The following GNL3L variants were observed in gnomAD, a reference collection of about 807,000 sequenced individuals.
GNL3L encodes guanine nucleotide-binding protein-like 3-like protein.
Under a neutral mutation model 42.9 loss-of-function variants are expected in GNL3L, and 4 were observed. The observed-to-expected ratio is 0.09, with a 90% CI of 0.05 to 0.21. The LOEUF (loss-of-function observed/expected upper bound fraction) is 0.21. Among genes scored for constraint, GNL3L ranks in the 10% least tolerant of loss-of-function variants. The pLI, the probability that GNL3L is intolerant of heterozygous loss-of-function variation, is 1.00. For missense variants in GNL3L, 412 were observed against 481.7 expected (o/e 0.86, Z 1.36); for synonymous variants, 159 against 176.3 (o/e 0.90, Z 0.78).
At chrX:54,635,075 A>G in the GNL3L span, among the ~76,000 whole-genome samples, 1 of 110,955 alleles carries the variant, frequency 9.0e-6, no homozygotes, top group East Asian at 2.8e-4. Flanking sequence ...TACAAGCATG[A>G]GCCACTGTGC....
At chrX:54,600,613 G>T (rs190887851) in intron 16 of GNL3L, among the ~76,000 whole-genome samples, 3 of 110,641 alleles carry the variant, frequency 2.7e-5, no homozygotes, top group Non-Finnish European at 3.8e-5. Context: ...GATGTAAGAA[G>T]AAGTCTAGGT....
At chrX:54,573,481 TGAGAGGGAGACCATGGG>T (rs1251836394) in intron 16 of GNL3L, among the ~76,000 whole-genome samples, 7,190 of 110,262 alleles carry the variant, frequency 0.065, 595 homozygotes, top group African/African-American at 0.23. Flanking sequence ...CGGCTGGGCA[TGAGAGGGAGACCATGGG>T]GAGAGGGAGA....
At position 54,551,602 on chromosome X, in the gene GNL3L, C is replaced by T. The variant is rs776095219; in HGVS notation, c.898C>T (p.Arg300Trp). ...GGAGGTCTACCTGGACAAGTTCATC[C>T]GGCTCTTGGATGCTCCAGGCATTGT... The part of the protein sequence containing the change: ...MQEVYLDKFI[R>W]LLDAPGIVPG... The change falls in exon 11 of 16, where the codon CGG (arginine) becomes TGG (tryptophan). Residue 300 changes from arginine (R) to tryptophan (W), a missense_variant. Physicochemically the swap from Arg to Trp is moderately radical, Grantham distance 101. Coordinates refer to ENST00000360845, the MANE Select transcript of GNL3L (RefSeq NM_001184819.2). 2.8e-5 allele frequency: 34 copies of T among 1,208,931 alleles called. No homozygotes were observed. The highest frequency in any genetic ancestry group is 4.4e-5 in the Admixed American group (2 of 45,715).
chrX:54,608,409 G>A (rs756553000), intron 16 of GNL3L, among the ~76,000 whole-genome samples: 8 of 111,001 alleles, frequency 7.2e-5, no homozygotes, highest in Non-Finnish European at 1.3e-4. Context: ...GGTTACATGA[G>A]TAAGTTCTTT....
downstream of GNL3L, among the ~76,000 whole-genome samples, chrX:54,624,430 TTC>T (rs1491170685): frequency 9.7e-6 from 1 of 103,540 alleles, no homozygotes; most frequent in Non-Finnish European, 2.0e-5. Context: ...TCTTTTTTTT[TTC>T]TTTTTCTTTT....
intron 4 of GNL3L, 59 bp from the exon 5 acceptor site, chrX:54,541,214 T>A: frequency 1.3e-6 from 1 of 786,496 alleles, no homozygotes; most frequent in Admixed American, 2.3e-5. Flanking sequence ...CTGTCACCCA[T>A]CCCTCCCTTA....
chrX:54,628,967 TATA>T, the GNL3L span, among the ~76,000 whole-genome samples: 2 of 106,449 alleles, frequency 1.9e-5, no homozygotes, highest in Non-Finnish European at 3.9e-5. Flanking sequence ...AAATATAAAA[TATA>T]ATTATAAAAT....
At chrX:54,560,185 CTTTGT>C (rs777970558) in intron 15 of GNL3L, among the ~76,000 whole-genome samples, 1 of 111,391 alleles carries the variant, frequency 9.0e-6, no homozygotes, top group African/African-American at 3.3e-5. Context: ...GCTGTGAGAG[CTTTGT>C]TTTGAGGGTA....
chrX:54,607,068 CTTTCTCTTTCTTT>C (rs1926091980), intron 16 of GNL3L, among the ~76,000 whole-genome samples: 1 of 36,084 alleles, frequency 2.8e-5, no homozygotes, highest in African/African-American at 1.5e-4. Flanking sequence ...TTCTTTCTTT[CTTTCTCTTTCTTT>C]CTTCTTTCTT....
intron 2 of GNL3L, among the ~76,000 whole-genome samples, chrX:54,534,273 G>C (rs1435751612): frequency 9.1e-6 from 1 of 109,496 alleles, no homozygotes; most frequent in African/African-American, 3.4e-5. Context: ...CTGACCCCCG[G>C]ATAAACGTGT....
intron 16 of GNL3L, among the ~76,000 whole-genome samples, chrX:54,600,048 T>TA (rs1277016797): frequency 3.6e-5 from 4 of 109,620 alleles, no homozygotes; most frequent in South Asian, 3.9e-4. Context: ...CTTAGATAGT[T>TA]AAAAAATCTC....
intron 16 of GNL3L, among the ~76,000 whole-genome samples, chrX:54,594,554 T>TAAA (rs556879366): frequency 3.4e-4 from 36 of 104,863 alleles, no homozygotes; most frequent in African/African-American, 1.2e-3. Flanking sequence ...TTTTTTTTTT[T>TAAA]AAAAAAAAAT....
At chrX:54,603,048 G>A (rs967039265) in intron 16 of GNL3L, among the ~76,000 whole-genome samples, 4 of 111,935 alleles carry the variant, frequency 3.6e-5, no homozygotes, top group African/African-American at 1.3e-4. Context: ...AATTTGCTAT[G>A]CAGCAATAAT....
intron 16 of GNL3L, among the ~76,000 whole-genome samples, chrX:54,588,234 TC>T (rs1276524489): frequency 8.9e-6 from 1 of 111,980 alleles, no homozygotes; most frequent in Non-Finnish European, 1.9e-5. Context: ...AGCTAGAACT[TC>T]CAGTACAATG....
chrX:54,613,671 G>C (rs369698918), intron 16 of GNL3L, among the ~76,000 whole-genome samples: 16 of 110,896 alleles, frequency 1.4e-4, no homozygotes, highest in African/African-American at 5.3e-4. Flanking sequence ...AGTGATTGTT[G>C]TCTGTCTTCT....
intron 16 of GNL3L, among the ~76,000 whole-genome samples, chrX:54,579,512 T>G (rs1265873182): frequency 1.8e-5 from 2 of 111,786 alleles, no homozygotes; most frequent in Non-Finnish European, 3.8e-5. Flanking sequence ...GCCTCCCAAG[T>G]AGCTGGGACC....
chrX:54,630,809 C>T, the GNL3L span, among the ~76,000 whole-genome samples: 2 of 100,346 alleles, frequency 2.0e-5, no homozygotes, highest in African/African-American at 3.7e-5. Context: ...TTCTCTCTCT[C>T]TCTCTCTTTC....
intron 9 of GNL3L, among the ~76,000 whole-genome samples, chrX:54,549,283 A>G (rs1391149166): frequency 1.8e-5 from 2 of 111,560 alleles, no homozygotes; most frequent in African/African-American, 3.3e-5. Flanking sequence ...GACCCACGCT[A>G]CAGACCCAGA....
intron 16 of GNL3L, among the ~76,000 whole-genome samples, chrX:54,581,019 G>C (rs1184287541): frequency 9.0e-6 from 1 of 111,123 alleles, no homozygotes; most frequent in Non-Finnish European, 1.9e-5. Context: ...GACCTCAGGT[G>C]ATCTGCCTGC....
Sources: allele counts gnomAD v4.1 joint callset (sites outside exome capture counted in the v4.1 genomes callset), GRCh38; gene constraint gnomAD v4.1.1; transcripts MANE v1.5; gene names NCBI Gene and HGNC (gene_info 2026-07-23, HGNC 2026-07-21).